Variants in AKR1D1 observed in about 807,000 individuals in gnomAD.
The protein encoded by AKR1D1 is aldo-keto reductase family 1 member D1, also known as delta(4)-3-ketosteroid 5-beta-reductase.
A neutral mutation model predicts 42.6 loss-of-function variants in AKR1D1; 32 were observed. The observed-to-expected ratio is 0.75, with a 90% CI of 0.57 to 1.01. AKR1D1 has a LOEUF of 1.01. Among genes scored for constraint, AKR1D1 ranks in the 50% least tolerant of loss-of-function variants. The probability of loss-of-function intolerance (pLI) is 0.00; values close to 1 mark genes in which losing one functional copy is unlikely to be tolerated. For synonymous variants in AKR1D1, 123 were observed against 135.5 expected, an observed-to-expected ratio of 0.91 and a Z score of 0.64; for missense variants, 364 against 402.2, an observed-to-expected ratio of 0.91 and a Z score of 0.81.
At chr7:138,111,838 AT>A (rs1452861487) in intron 7 of AKR1D1, among the ~76,000 whole-genome samples, 1 of 152,094 alleles carries the variant, frequency 6.6e-6, no homozygotes, top group Admixed American at 6.6e-5. Flanking sequence ...ATCAGTGTTG[AT>A]TTTTTTTAAA....
rs59361346 is a variant in AKR1D1, at chr7:138,100,088, CAAAAAAAAAAAAA to C, written c.456+2163_456+2175del. Among the ~76,000 whole-genome samples, 27 of 43,564 alleles carry C rather than the reference CAAAAAAAAAAAAA, an allele frequency of 6.2e-4. 1 individual carries two copies. The East Asian group carries it at 9.0e-3, about 15-fold the overall frequency. 28.6% of individuals were successfully genotyped at this position (43,564 alleles called of 152,430 possible). On this transcript the variant is annotated intron_variant, in intron 4 of 8. Coordinates refer to ENST00000242375, the MANE Select transcript of AKR1D1 (RefSeq NM_005989.4). ...TGGGCAATATAGCGAGATTTCATCTCAAAAAAAAAAAAAAAAAAAAAAAAAAAAAACATAAAGA... is the reference window on the plus strand; with the variant it reads ...TGGGCAATATAGCGAGATTTCATCTCAAAAAAAAAAAAAAAAACATAAAGA...
At chr7:138,105,670 C>T (rs748277536) in intron 5 of AKR1D1, among the ~76,000 whole-genome samples, 1 of 152,098 alleles carries the variant, frequency 6.6e-6, no homozygotes, top group Non-Finnish European at 1.5e-5. Flanking sequence ...CAGGCGATCA[C>T]GAGGTCGGGA....
chr7:138,115,273 T>A (rs1211072195), intron 8 of AKR1D1, among the ~76,000 whole-genome samples: 2 of 151,944 alleles, frequency 1.3e-5, no homozygotes, highest in Non-Finnish European at 2.9e-5. Flanking sequence ...CAAGACCCTA[T>A]CTCTACAAAA....
chr7:138,105,213 T>A (rs1002368145), intron 4 of AKR1D1, 94 bp from the exon 5 acceptor site: 3 of 1,575,464 alleles, frequency 1.9e-6, no homozygotes, highest in Middle Eastern at 3.3e-4. Flanking sequence ...ACCCAGGAAC[T>A]TTCCTTTTTA....
intron 1 of AKR1D1, among the ~76,000 whole-genome samples, chr7:138,081,512 T>A (rs1382913246): frequency 2.4e-5 from 1 of 42,430 alleles, no homozygotes; most frequent in Non-Finnish European, 4.6e-5. Flanking sequence ...CTACCTTTTT[T>A]TTTTTTTTTT....
intron 7 of AKR1D1, among the ~76,000 whole-genome samples, chr7:138,108,643 T>G (rs186667387): frequency 9.5e-4 from 144 of 152,216 alleles, no homozygotes; most frequent in African/African-American, 3.3e-3. Context: ...TACCGGAGGC[T>G]GAGATTATTG....
At chr7:138,092,112 T>C (rs1274158935) in intron 3 of AKR1D1, among the ~76,000 whole-genome samples, 1 of 152,252 alleles carries the variant, frequency 6.6e-6, no homozygotes, top group Admixed American at 6.5e-5. Context: ...TTACCACAGA[T>C]CAGAGAGTAC....
chr7:138,113,583 A>G (rs933176250), intron 7 of AKR1D1, 107 bp from the exon 8 acceptor site: 3 of 911,702 alleles, frequency 3.3e-6, no homozygotes, highest in African/African-American at 3.3e-5. Context: ...CTCCTCTTAG[A>G]CATTTGCAGA....
At chr7:138,083,685 T>C (rs1474634737) in intron 1 of AKR1D1, among the ~76,000 whole-genome samples, 1 of 152,202 alleles carries the variant, frequency 6.6e-6, no homozygotes, top group African/African-American at 2.4e-5. Context: ...TGATGCTTTT[T>C]CCCTTATGTT....
intron 4 of AKR1D1, among the ~76,000 whole-genome samples, chr7:138,102,809 C>T (rs1008239605): frequency 6.6e-6 from 1 of 152,142 alleles, no homozygotes. Context: ...TGCAAGAACC[C>T]GTTGTGCAAA....
intron 1 of AKR1D1, among the ~76,000 whole-genome samples, chr7:138,079,191 G>A (rs1220109918): frequency 1.3e-5 from 2 of 151,896 alleles, no homozygotes; most frequent in African/African-American, 2.4e-5. Flanking sequence ...GATCACCCAG[G>A]GAACTTTGTT....
chr7:138,096,788 G>A (rs149656205), intron 3 of AKR1D1, among the ~76,000 whole-genome samples: 1 of 152,230 alleles, frequency 6.6e-6, no homozygotes, highest in East Asian at 1.9e-4. Flanking sequence ...GCTTCCAAAT[G>A]TTGTTATGCC....
chr7:138,081,701 G>C (rs1005847304), intron 1 of AKR1D1, among the ~76,000 whole-genome samples: 55 of 151,492 alleles, frequency 3.6e-4, no homozygotes, highest in African/African-American at 1.2e-3. Context: ...GCTAATTTTT[G>C]TATTTTTAGT....
intron 2 of AKR1D1, among the ~76,000 whole-genome samples, chr7:138,090,114 T>C (rs1053314254): frequency 1.3e-5 from 2 of 152,102 alleles, no homozygotes; most frequent in African/African-American, 2.4e-5. Context: ...TGCCCAGGAA[T>C]GAAAAAGAAA....
chr7:138,077,691 T>C (rs1352772947), intron 1 of AKR1D1, among the ~76,000 whole-genome samples: 1 of 152,222 alleles, frequency 6.6e-6, no homozygotes, highest in East Asian at 1.9e-4. Flanking sequence ...TGTGTAGAAA[T>C]GCTACTGAAA....
At chr7:138,081,053 T>C (rs1371130729) in intron 1 of AKR1D1, among the ~76,000 whole-genome samples, 1 of 152,108 alleles carries the variant, frequency 6.6e-6, no homozygotes, top group Non-Finnish European at 1.5e-5. Context: ...ATAAAAGGAG[T>C]GTTCTCTGGG....
chr7:138,093,466 A>C (rs537608958), intron 3 of AKR1D1, among the ~76,000 whole-genome samples: 9 of 152,260 alleles, frequency 5.9e-5, no homozygotes, highest in Admixed American at 1.3e-4. Flanking sequence ...TCTTTTGTTA[A>C]AAACTAAGAC....
Position 138,107,554 on chromosome 7 carries a change from C to A in AKR1D1, c.829C>A (p.Leu277Ile), listed in dbSNP as rs1310224413. The part of the protein sequence containing the change: ...GVVVIPKSFN[L>I]ERIKENFQIF... ...GGTTGTCATTCCTAAAAGCTTTAAT[C>A]TTGAAAGGATCAAAGAAAATTTTCA... is the stretch of plus-strand genomic sequence containing the variant. Residue 277 changes from leucine to isoleucine, a missense_variant, in exon 7 of 9, where the codon CTT (leucine) becomes ATT (isoleucine). Leu to Ile is a conservative substitution (Grantham distance 5, BLOSUM62 2). Coordinates refer to ENST00000242375, the MANE Select transcript of AKR1D1 (RefSeq NM_005989.4). 6.2e-6 allele frequency: 10 copies of A among 1,613,816 alleles called. No individual in the cohort carries two copies. The highest frequency in any genetic ancestry group is 8.5e-6 in the Non-Finnish European group (10 of 1,179,988).
intron 4 of AKR1D1, among the ~76,000 whole-genome samples, chr7:138,100,108 A>AC: frequency 6.9e-6 from 1 of 145,628 alleles, no homozygotes; most frequent in Non-Finnish European, 1.5e-5. Context: ...AAAAAAAAAA[A>AC]AAAAAAAAAA....
Sources: allele counts gnomAD v4.1 joint callset (sites outside exome capture counted in the v4.1 genomes callset), GRCh38; gene constraint gnomAD v4.1.1; transcripts MANE v1.5; gene names NCBI Gene and HGNC (gene_info 2026-07-23, HGNC 2026-07-21).